The following PLXNA4 variants were observed in gnomAD, a reference collection of about 807,000 sequenced individuals.
PLXNA4 encodes plexin-A4.
PLXNA4 carries 44 observed loss-of-function variants against 191.8 expected under a neutral mutation model. The ratio of observed to expected loss-of-function variants is 0.23; its 90% confidence interval spans 0.18 to 0.29. The LOEUF is 0.29. Ranked by LOEUF, PLXNA4 falls within the 10% of genes least tolerant of loss-of-function variation. The pLI is 1.00. For synonymous variants in PLXNA4, 1,082 were observed against 1,009.5 expected, an observed-to-expected ratio of 1.07 and a Z score of -1.36; for missense variants, 1,800 against 2,488.8, an observed-to-expected ratio of 0.72 and a Z score of 5.89.
intron 3 of PLXNA4, among the ~76,000 whole-genome samples, chr7:132,477,616 C>T (rs1302937095): frequency 2.0e-5 from 3 of 152,210 alleles, no homozygotes; most frequent in Non-Finnish European, 4.4e-5. Flanking sequence ...TGCACACAGG[C>T]ACTAGAAGAC....
chr7:132,645,534 C>G (rs939228072), intron 2 of PLXNA4, among the ~76,000 whole-genome samples: 9 of 152,160 alleles, frequency 5.9e-5, no homozygotes, highest in Non-Finnish European at 1.0e-4. Flanking sequence ...TTGGTTGTTT[C>G]TTTATAGCAG....
intron 3 of PLXNA4, among the ~76,000 whole-genome samples, chr7:132,306,965 C>T (rs1801546889): frequency 6.6e-6 from 1 of 152,098 alleles, no homozygotes; most frequent in African/African-American, 2.4e-5. Context: ...GTCTGAGTAA[C>T]TTGGCAACTG....
At chr7:132,413,871 A>G (rs1300005412) in intron 3 of PLXNA4, among the ~76,000 whole-genome samples, 3 of 152,150 alleles carry the variant, frequency 2.0e-5, no homozygotes, top group African/African-American at 7.2e-5. Flanking sequence ...CATCCAGTAA[A>G]CAAAACTCTC....
rs1802243077 is a variant in PLXNA4 at position 132,576,462 on chromosome 7, A to G, written c.-127T>C. On this transcript the variant is annotated 5_prime_UTR_variant, in exon 1 of 32. It removes an upstream start codon present in the reference 5' UTR. Coordinates refer to ENST00000321063, the MANE Select transcript of PLXNA4 (RefSeq NM_020911.2). The surrounding 1 kb of genome is among the most constrained non-coding windows in gnomAD (Gnocchi z 5.8). ...TTCCCTCCTTCAGCGGGAGCGCCGC[A>G]TTGACACTGCAGATGGAGCCTATGC... The G allele has an allele frequency of 1.0e-6, 1 of 985,448 alleles. No homozygotes were observed. The highest frequency in any genetic ancestry group is 1.7e-5 in the African/African-American group (1 of 57,204). 61.0% of individuals were successfully genotyped at this position (985,448 alleles called of 1,614,324 possible).
chr7:132,123,814 G>A lies in PLXNA4; in HGVS notation c.*6665C>T, dbSNP rs11773555. On this transcript the variant is annotated 3_prime_UTR_variant, in exon 32 of 32. Coordinates refer to ENST00000321063, the MANE Select transcript of PLXNA4 (RefSeq NM_020911.2). ...TCTATGTGACTCAAAGACCCCTGCC[G>A]GTTCCTTAAACCACCCTTCCATCCT... 0.82 allele frequency: 125,335 copies of A among 152,234 alleles called. 52,182 individuals carry two copies. The highest frequency in any genetic ancestry group is 0.94 in the East Asian group (4,887 of 5,172). 9.4% of individuals were successfully genotyped at this position (152,234 alleles called of 1,614,324 possible).
intron 3 of PLXNA4, among the ~76,000 whole-genome samples, chr7:132,471,225 G>T (rs1311208794): frequency 6.6e-6 from 1 of 152,152 alleles, no homozygotes; most frequent in Non-Finnish European, 1.5e-5. Context: ...CCTGAGGCGT[G>T]CCCAGAGCCA....
rs1798315559 is a variant in PLXNA4 at position 132,226,167 on chromosome 7, T to C, written c.1976A>G (p.His659Arg). 6.2e-7 allele frequency: 1 copy of C among 1,613,588 alleles called. No homozygotes were observed. The highest frequency in any genetic ancestry group is 1.7e-5 in the Admixed American group (1 of 60,006). The change falls in exon 8 of 32, where the codon CAC becomes CGC. Residue 659 changes from histidine (H) to arginine (R), a missense_variant. Physicochemically the swap from His to Arg is conservative, Grantham distance 29. Coordinates refer to ENST00000321063, the MANE Select transcript of PLXNA4 (RefSeq NM_020911.2). ...TAAGGCTGGGGCCACTTACGAATTG[T>C]GGACGCTGCAATTGTAGAAGACAAA... The part of the protein sequence containing the change: ...TSFVFYNCSV[H>R]NSCLSCVESP...
Position 132,561,834 on chromosome 7 carries a change from G to C in PLXNA4, c.-87+14588C>G, listed in dbSNP as rs1171454284. On this transcript the variant is annotated intron_variant, in intron 1 of 31. Transcript: ENST00000321063. ...CTCTTTCTCCTCCTTCTTCTCCTCCGCCTCCTTCTCCTCCTCCTCCTTATC... is the reference window on the plus strand; with the variant it reads ...CTCTTTCTCCTCCTTCTTCTCCTCCCCCTCCTTCTCCTCCTCCTCCTTATC... Among the ~76,000 whole-genome samples, 15 of 41,510 alleles carry C rather than the reference G, an allele frequency of 3.6e-4. No individual in the cohort carries two copies. The South Asian group carries it at 0.014, about 38-fold the overall frequency. 27.2% of individuals were successfully genotyped at this position (41,510 alleles called of 152,430 possible). A position where few individuals can be genotyped will look rare whatever the true frequency, so the allele number is the denominator to read the frequency against.
rs568582990 is a variant in PLXNA4, at chr7:132,174,839, G to A, written c.3956C>T (p.Thr1319Ile). The change falls in exon 21 of 32, where the codon ACT (threonine) becomes ATT (isoleucine). Residue 1319 changes from threonine (T) to isoleucine (I), a missense_variant. Around this residue, in one of 6 missense-constraint regions of PLXNA4, gnomAD observed 1,397 missense variants for 1,880.4 expected, o/e 0.74. Transcript: ENST00000321063. ...TGGGAACAGCACCCGCATGGTGTAA[G>A]TTCTATAGTCCAGGAACGGAATCCC... is the stretch of plus-strand genomic sequence containing the variant. ...GAGIPFLDYR[T>I]YTMRVLFPGI... 23 of 1,614,234 alleles carry A rather than the reference G, an allele frequency of 1.4e-5. No individual in the cohort carries two copies. The highest frequency in any genetic ancestry group is 2.7e-5 in the African/African-American group (2 of 75,064).
In PLXNA4 at chr7:132,256,080, G is replaced by C. The variant is rs148856467; in HGVS notation, c.1504-14914C>G. Among the ~76,000 whole-genome samples, 808 of 152,350 alleles carry C rather than the reference G, an allele frequency of 5.3e-3. 5 individuals carry two copies. Among genetic ancestry groups the C allele is most frequent in the Non-Finnish European group, 8.2e-3 (558 of 68,034 alleles). On this transcript the variant is annotated intron_variant, in intron 4 of 31. Coordinates refer to ENST00000321063, the MANE Select transcript of PLXNA4 (RefSeq NM_020911.2). ...GTACAAGAGGCCGTGCTGTGTGCCG[G>C]CATGTTGGGACATGAGTTGGCACGG... is the stretch of plus-strand genomic sequence containing the variant.
intron 12 of PLXNA4, among the ~76,000 whole-genome samples, chr7:132,198,861 G>A (rs1797339477): frequency 6.6e-6 from 1 of 152,136 alleles, no homozygotes; most frequent in Non-Finnish European, 1.5e-5. Flanking sequence ...AAAGCCCATG[G>A]TACATCTTTC....
intron 3 of PLXNA4, among the ~76,000 whole-genome samples, chr7:132,322,206 A>T (rs183155886): frequency 6.5e-5 from 6 of 92,762 alleles, no homozygotes; most frequent in African/African-American, 2.8e-4. Flanking sequence ...TTTTTTTAAC[A>T]GAGTCTCACT....
At chr7:132,621,503 C>A (rs565731020) in intron 2 of PLXNA4, among the ~76,000 whole-genome samples, 32 of 152,248 alleles carry the variant, frequency 2.1e-4, no homozygotes, top group African/African-American at 6.7e-4. Context: ...TCATGATCTG[C>A]CCGCCTCAGC....
chr7:132,288,602 C>T (rs909786092), intron 4 of PLXNA4, among the ~76,000 whole-genome samples: 2 of 152,220 alleles, frequency 1.3e-5, no homozygotes, highest in African/African-American at 4.8e-5. Context: ...CATAGGCCAG[C>T]CTGGGTGCCA....
intron 3 of PLXNA4, among the ~76,000 whole-genome samples, chr7:132,416,529 T>C (rs1794667053): frequency 6.6e-6 from 1 of 152,178 alleles, no homozygotes; most frequent in Non-Finnish European, 1.5e-5. Context: ...TCATCCTTGA[T>C]CCCTTCTGAG....
chr7:132,577,633 C>T (rs1802311649), upstream of PLXNA4, among the ~76,000 whole-genome samples: 1 of 152,170 alleles, frequency 6.6e-6, no homozygotes, highest in Non-Finnish European at 1.5e-5. Context: ...GTCCCCTCGG[C>T]CCGCACGGAG....
intron 3 of PLXNA4, among the ~76,000 whole-genome samples, chr7:132,396,008 C>T (rs193291066): frequency 4.1e-4 from 62 of 152,340 alleles, no homozygotes; most frequent in Non-Finnish European, 6.8e-4. Context: ...CTTTAAGCCT[C>T]ACTGGAGATA....
intron 3 of PLXNA4, among the ~76,000 whole-genome samples, chr7:132,351,620 C>A (rs1307082308): frequency 6.6e-6 from 1 of 152,198 alleles, no homozygotes; most frequent in Non-Finnish European, 1.5e-5. Context: ...TTCCCATCCA[C>A]CTTCTCCATT....
chr7:132,497,113 TGCAC>T (rs1007390721), intron 2 of PLXNA4, among the ~76,000 whole-genome samples: 13 of 90,782 alleles, frequency 1.4e-4, no homozygotes, highest in Non-Finnish European at 1.9e-4. Context: ...TGCACACTTG[TGCAC>T]GCACGCACAC....
Sources: allele counts gnomAD v4.1 joint callset (sites outside exome capture counted in the v4.1 genomes callset), GRCh38; gene constraint gnomAD v4.1.1; regional missense constraint gnomAD v4.1.1; non-coding constraint Gnocchi (gnomAD v3.1); transcripts MANE v1.5; gene names NCBI Gene and HGNC (gene_info 2026-07-23, HGNC 2026-07-21).